TOGARAM1: variants seen among roughly 807,000 people sequenced by gnomAD.
The protein encoded by TOGARAM1 is TOG array regulator of axonemal microtubules protein 1.
TOGARAM1 carries 100 observed loss-of-function variants against 166.6 expected under a neutral mutation model. That is an observed-to-expected ratio of 0.60 (90% CI 0.51 to 0.71). TOGARAM1 has a LOEUF of 0.71. Among genes scored for constraint, TOGARAM1 ranks in the 30% least tolerant of loss-of-function variants. TOGARAM1 has a pLI of 0.00. For synonymous variants in TOGARAM1, 758 were observed against 763.8 expected (o/e 0.99, Z 0.13); for missense variants, 2,029 against 2,102.7 (o/e 0.96, Z 0.69).
At chr14:45,035,948 GAAA>G (rs112836134) in intron 11 of TOGARAM1, among the ~76,000 whole-genome samples, 1 of 101,600 alleles carries the variant, frequency 9.8e-6, no homozygotes, top group Non-Finnish European at 2.2e-5. Flanking sequence ...CTCATCTCTA[GAAA>G]AAAAAAAAAA....
At chr14:45,058,776 G>A (rs987962417) in intron 16 of TOGARAM1, among the ~76,000 whole-genome samples, 4 of 152,092 alleles carry the variant, frequency 2.6e-5, no homozygotes, top group Non-Finnish European at 5.9e-5. Context: ...TTTTGTTCCT[G>A]TCATATTGTT....
In TOGARAM1 at chr14:45,073,500, C is replaced by T. The variant is rs200042594; in HGVS notation, c.5261C>T (p.Pro1754Leu). The change falls in exon 20 of 20, where the codon CCA becomes CTA. Residue 1754 changes from proline (P) to leucine (L), a missense_variant. Physicochemically the swap from Pro to Leu is moderately conservative, Grantham distance 98. This residue lies in a region of TOGARAM1 where 576 missense variants were observed against 670.5 expected (regional missense o/e 0.86). Transcript: ENST00000361462. ...QNLLNQAASQ[P>L]PHIKKSLEEL... ...CTGTTAAATCAGGCTGCATCTCAAC[C>T]ACCACATATCAAAAAGAGTTTGGAG... is the stretch of plus-strand genomic sequence containing the variant. 1.2e-6 allele frequency: 2 copies of T among 1,614,030 alleles called. No homozygotes were observed. Among genetic ancestry groups the T allele is most frequent in the Non-Finnish European group, 1.7e-6 (2 of 1,179,976 alleles).
chr14:45,018,722 A>G (rs953916114), intron 7 of TOGARAM1, among the ~76,000 whole-genome samples: 1 of 152,202 alleles, frequency 6.6e-6, no homozygotes, highest in Non-Finnish European at 1.5e-5. Context: ...TTTGGCAGCA[A>G]TAAGTTGTTA....
chr14:44,976,422 C>T (rs918954034), intron 1 of TOGARAM1, among the ~76,000 whole-genome samples: 3 of 152,182 alleles, frequency 2.0e-5, no homozygotes, highest in Non-Finnish European at 4.4e-5. Flanking sequence ...CTTTCCCTAT[C>T]ACAGTGCTTA....
chr14:45,040,830 G>C (rs1881688269), intron 11 of TOGARAM1, among the ~76,000 whole-genome samples: 1 of 152,132 alleles, frequency 6.6e-6, no homozygotes, highest in Non-Finnish European at 1.5e-5. Flanking sequence ...CTTGAGGCCA[G>C]GAGTTCAAGA....
At position 45,006,221 on chromosome 14, in the gene TOGARAM1, A is replaced by G. The variant is rs764790254; in HGVS notation, c.2858A>G (p.Asp953Gly). The change falls in exon 5 of 20, where the codon GAT becomes GGT. Residue 953 changes from aspartate (D) to glycine (G), a missense_variant. By Grantham distance (94) the Asp-to-Gly change is moderately conservative. Transcript: ENST00000361462. Reference sequence around the variant, plus strand: ...TGTGAAAAAGATAGTCTTCCAATTGATCTTTCAGAATTAAATTTCAAGGAT... The same window carrying G: ...TGTGAAAAAGATAGTCTTCCAATTGGTCTTTCAGAATTAAATTTCAAGGAT... ...WKCEKDSLPI[D>G]LSELNFKDKD... The G allele has an allele frequency of 2.4e-5, 38 of 1,612,834 alleles. No homozygotes were observed. The South Asian group carries it at 4.2e-4, about 18-fold the overall frequency.
At chr14:45,021,585 G>A (rs992420546) in intron 7 of TOGARAM1, among the ~76,000 whole-genome samples, 1 of 152,184 alleles carries the variant, frequency 6.6e-6, no homozygotes, top group Admixed American at 6.5e-5. Context: ...GGAATAGCTA[G>A]CGTTGTCTCC....
chr14:45,005,115 A>G (rs576711075), intron 4 of TOGARAM1, among the ~76,000 whole-genome samples: 80 of 151,516 alleles, frequency 5.3e-4, no homozygotes, highest in African/African-American at 1.8e-3. Flanking sequence ...GTGTTTCTCC[A>G]TGTTGGTGAG....
At chr14:45,002,137 C>T (rs1353581775) in intron 3 of TOGARAM1, among the ~76,000 whole-genome samples, 6 of 152,102 alleles carry the variant, frequency 3.9e-5, no homozygotes, top group African/African-American at 1.4e-4. Flanking sequence ...GCACTCACCC[C>T]AAAGACCCAC....
chr14:45,054,418 T>C lies in TOGARAM1; in HGVS notation c.4441-13T>C. 6.6e-7 allele frequency: 1 copy of C among 1,510,294 alleles called. No individual in the cohort carries two copies. The highest frequency in any genetic ancestry group is 9.1e-7 in the Non-Finnish European group (1 of 1,102,386). 93.6% of individuals were successfully genotyped at this position (1,510,294 alleles called of 1,614,324 possible). On this transcript the variant is annotated splice_polypyrimidine_tract_variant and intron_variant, in intron 15 of 19. Transcript: ENST00000361462. ...TAAAATTTGTATTATACTAATTTTATATTTACTTGCAGGGTTTGGGGGAGA... is the reference window on the plus strand; with the variant it reads ...TAAAATTTGTATTATACTAATTTTACATTTACTTGCAGGGTTTGGGGGAGA...
chr14:45,038,043 A>G (rs1278176911), intron 11 of TOGARAM1, among the ~76,000 whole-genome samples: 1 of 152,102 alleles, frequency 6.6e-6, no homozygotes, highest in Admixed American at 6.6e-5. Flanking sequence ...AGAAAAAAGT[A>G]AAGATGTAGA....
chr14:45,045,955 T>C (rs954326441), intron 13 of TOGARAM1, among the ~76,000 whole-genome samples: 1 of 151,868 alleles, frequency 6.6e-6, no homozygotes, highest in Non-Finnish European at 1.5e-5. Flanking sequence ...TTTAGCTCAA[T>C]AAAAGTTATT....
At chr14:45,022,859 G>A (rs772922089) in intron 7 of TOGARAM1, 2 of 151,592 alleles carry the variant, frequency 1.3e-5, no homozygotes, top group Admixed American at 6.6e-5. Flanking sequence ...ACTTCTTTAG[G>A]TTTCTGTACC....
At chr14:45,020,395 C>A (rs1310600225) in intron 7 of TOGARAM1, among the ~76,000 whole-genome samples, 1 of 152,190 alleles carries the variant, frequency 6.6e-6, no homozygotes, top group Non-Finnish European at 1.5e-5. Context: ...GTTGATCTTG[C>A]AAGGTGACCA....
intron 16 of TOGARAM1, 120 bp from the exon 17 acceptor site, chr14:45,066,457 GT>G (rs1193486916): frequency 1.1e-6 from 1 of 883,892 alleles, no homozygotes; most frequent in Non-Finnish European, 1.7e-6. Context: ...GTTAGCCACA[GT>G]TTTTTGCATT....
rs573368882 is a variant in TOGARAM1 at position 44,977,472 on chromosome 14, A to G, written c.2046+13005A>G. On this transcript the variant is annotated intron_variant, in intron 1 of 19. Coordinates refer to ENST00000361462, the MANE Select transcript of TOGARAM1 (RefSeq NM_001308120.2). Reference sequence around the variant, plus strand: ...GGGATGGTCTTGATCTCCTGACCTCATGATCTGCCCGCCTTGGCCACCCAA... The same window carrying G: ...GGGATGGTCTTGATCTCCTGACCTCGTGATCTGCCCGCCTTGGCCACCCAA... Among the ~76,000 whole-genome samples, 1,118 of 151,858 alleles carry G rather than the reference A, an allele frequency of 7.4e-3. 11 individuals carry two copies. Among genetic ancestry groups the G allele is most frequent in the African/African-American group, 0.026 (1,066 of 41,390 alleles).
chr14:45,027,635 T>TAGGAAAAATACAAAAATTAGCC (rs1880930381), intron 9 of TOGARAM1, among the ~76,000 whole-genome samples, 161 bp downstream of exon 9: 2 of 152,134 alleles, frequency 1.3e-5, no homozygotes, highest in Admixed American at 6.5e-5. Flanking sequence ...GCCCTGTCTC[T>TAGGAAAAATACAAAAATTAGCC]AGGAAAAATA....
chr14:45,003,575 T>C (rs1011254787), intron 3 of TOGARAM1, among the ~76,000 whole-genome samples: 5 of 152,022 alleles, frequency 3.3e-5, no homozygotes, highest in Non-Finnish European at 1.5e-5. Flanking sequence ...TTACCTAAAA[T>C]ACATCAAGAT....
rs555230345 is a variant in TOGARAM1 at position 45,024,214 on chromosome 14, A to G, written c.3239-1569A>G. On this transcript the variant is annotated intron_variant, in intron 7 of 19. Transcript: ENST00000361462. ...TTTCCTAGTTGTAATGGTCCATATCATGTCTGCTGTCTCAATTAATAACTT... is the reference window on the plus strand; with the variant it reads ...TTTCCTAGTTGTAATGGTCCATATCGTGTCTGCTGTCTCAATTAATAACTT... Among the ~76,000 whole-genome samples, 18 of 152,248 alleles carry G rather than the reference A, an allele frequency of 1.2e-4. 1 individual carries two copies. The East Asian group carries it at 2.3e-3, about 20-fold the overall frequency.
Sources: allele counts gnomAD v4.1 joint callset (sites outside exome capture counted in the v4.1 genomes callset), GRCh38; gene constraint gnomAD v4.1.1; regional missense constraint gnomAD v4.1.1; transcripts MANE v1.5; gene names NCBI Gene and HGNC (gene_info 2026-07-23, HGNC 2026-07-21).